The following PTPRT variants were observed in gnomAD, a reference collection of about 807,000 sequenced individuals.
The protein encoded by PTPRT is protein tyrosine phosphatase receptor type T, also known as receptor-type tyrosine-protein phosphatase T.
Under a neutral mutation model 176.8 loss-of-function variants are expected in PTPRT, and 56 were observed. That is an observed-to-expected ratio of 0.32 (90% CI 0.26 to 0.40). PTPRT has a LOEUF of 0.40. Among genes scored for constraint, PTPRT ranks in the 10% least tolerant of loss-of-function variants. The pLI, the probability that PTPRT is intolerant of heterozygous loss-of-function variation, is 1.00. For missense variants in PTPRT, 1,540 were observed against 1,908.2 expected (o/e 0.81, Z 3.60); for synonymous variants, 783 against 739.0 (o/e 1.06, Z -0.96).
chr20:42,935,729 G>A (rs1373500612), intron 1 of PTPRT, among the ~76,000 whole-genome samples: 2 of 152,198 alleles, frequency 1.3e-5, no homozygotes, highest in African/African-American at 4.8e-5. Flanking sequence ...GTCCAGTCCA[G>A]TCCAGTCCAG....
intron 6 of PTPRT, among the ~76,000 whole-genome samples, chr20:42,754,187 A>T (rs1236622413): frequency 2.7e-5 from 2 of 75,308 alleles, no homozygotes; most frequent in Non-Finnish European, 5.4e-5. Context: ...TAAATCTTCA[A>T]AAAAAATTTT....
intron 7 of PTPRT, among the ~76,000 whole-genome samples, chr20:42,667,662 T>C (rs2075339326): frequency 6.6e-6 from 1 of 152,214 alleles, no homozygotes; most frequent in African/African-American, 2.4e-5. Flanking sequence ...ACTTGTTGAC[T>C]TACTATTGTA....
chr20:42,710,840 T>G (rs951602839), intron 6 of PTPRT, among the ~76,000 whole-genome samples: 2 of 152,248 alleles, frequency 1.3e-5, no homozygotes, highest in African/African-American at 4.8e-5. Flanking sequence ...AGCAGCCACA[T>G]GGGCTGTGTC....
chr20:42,749,495 G>C (rs1423715920), intron 6 of PTPRT, among the ~76,000 whole-genome samples: 2 of 152,326 alleles, frequency 1.3e-5, no homozygotes, highest in South Asian at 2.1e-4. Context: ...TGGTATAAAA[G>C]AGACAGCATG....
intron 2 of PTPRT, among the ~76,000 whole-genome samples, chr20:42,833,064 T>C (rs1022738849): frequency 1.3e-5 from 2 of 151,858 alleles, no homozygotes; most frequent in African/African-American, 4.8e-5. Context: ...CACTCCAACC[T>C]GGACAACACA....
intron 6 of PTPRT, among the ~76,000 whole-genome samples, chr20:42,746,716 A>T (rs1310623956): frequency 6.6e-6 from 1 of 152,196 alleles, no homozygotes; most frequent in African/African-American, 2.4e-5. Flanking sequence ...ATTTTCCTAC[A>T]AAGAATGAAA....
At chr20:42,921,911 T>G (rs1219131103) in intron 1 of PTPRT, among the ~76,000 whole-genome samples, 2 of 152,132 alleles carry the variant, frequency 1.3e-5, no homozygotes, top group Non-Finnish European at 2.9e-5. Flanking sequence ...TTTCTCAGAT[T>G]CCACACAGCG....
At chr20:42,632,679 C>T (rs2145894927) in intron 7 of PTPRT, among the ~76,000 whole-genome samples, 1 of 149,294 alleles carries the variant, frequency 6.7e-6, no homozygotes, top group Non-Finnish European at 1.5e-5. Context: ...CTATATTTTA[C>T]TATATTTATT....
chr20:42,850,394 G>T (rs932478433), intron 2 of PTPRT, among the ~76,000 whole-genome samples: 1 of 152,178 alleles, frequency 6.6e-6, no homozygotes, highest in Non-Finnish European at 1.5e-5. Context: ...CGTCCGAACC[G>T]GAATAACTAA....
Position 42,585,373 on chromosome 20 carries a change from T to C in PTPRT, c.1153+92493A>G, listed in dbSNP as rs765835097. Among the ~76,000 whole-genome samples the C allele has an allele frequency of 1.1e-3, 172 of 152,228 alleles. 4 individuals carry two copies. The highest frequency in any genetic ancestry group is 1.0e-3 in the Admixed American group (16 of 15,276). ...TTTTTTCTTACTGACTTGAAATAACTCCATGCATATAGAATATTTTACTGT... is the reference window on the plus strand; with the variant it reads ...TTTTTTCTTACTGACTTGAAATAACCCCATGCATATAGAATATTTTACTGT... On this transcript the variant is annotated intron_variant, in intron 7 of 30. Transcript: ENST00000373187.
Position 42,920,943 on chromosome 20 carries a change from G to C in PTPRT, c.89-35011C>G, listed in dbSNP as rs79282031. ...TTCTTCATCCCCTTCATTAGTTTCAGACTCCACAGGAAATATGGAGGTTGG... is the reference window on the plus strand; with the variant it reads ...TTCTTCATCCCCTTCATTAGTTTCACACTCCACAGGAAATATGGAGGTTGG... On this transcript the variant is annotated intron_variant, in intron 1 of 30. Transcript: ENST00000373187. Among the ~76,000 whole-genome samples the C allele has an allele frequency of 8.3e-4, 127 of 152,258 alleles. 2 individuals carry two copies. The East Asian group carries it at 0.019, about 22-fold the overall frequency.
chr20:42,039,066 T>C, the PTPRT span, among the ~76,000 whole-genome samples: 1 of 152,150 alleles, frequency 6.6e-6, no homozygotes, highest in Non-Finnish European at 1.5e-5. Context: ...ATTGCAGAGA[T>C]TTGGTTTGTC....
chr20:42,432,681 T>A (rs933622455), intron 9 of PTPRT, among the ~76,000 whole-genome samples: 1 of 152,210 alleles, frequency 6.6e-6, no homozygotes, highest in Non-Finnish European at 1.5e-5. Context: ...CTACATAGCA[T>A]CTTTATCTTA....
At chr20:42,695,105 C>A (rs1463485956) in intron 6 of PTPRT, among the ~76,000 whole-genome samples, 2 of 152,124 alleles carry the variant, frequency 1.3e-5, no homozygotes, top group Non-Finnish European at 2.9e-5. Flanking sequence ...TTTAAGAATT[C>A]TTGATATATT....
At chr20:42,730,038 A>T (rs1403750263) in intron 6 of PTPRT, among the ~76,000 whole-genome samples, 2 of 152,202 alleles carry the variant, frequency 1.3e-5, no homozygotes, top group African/African-American at 2.4e-5. Context: ...GATTTGCCCT[A>T]ATTTTACAAA....
chr20:42,492,936 T>C (rs1487292928), intron 7 of PTPRT, among the ~76,000 whole-genome samples: 3 of 152,226 alleles, frequency 2.0e-5, no homozygotes, highest in East Asian at 3.8e-4. Context: ...AGTTTATTCA[T>C]TCTATTTCTC....
chr20:42,184,581 TC>T (rs1990677190), intron 16 of PTPRT, among the ~76,000 whole-genome samples: 1 of 141,888 alleles, frequency 7.0e-6, no homozygotes. Context: ...TTCTTCTTCT[TC>T]TTCTTCTTCT....
At chr20:42,176,255 G>C (rs998767465) in intron 16 of PTPRT, among the ~76,000 whole-genome samples, 4 of 152,114 alleles carry the variant, frequency 2.6e-5, no homozygotes, top group Non-Finnish European at 5.9e-5. Context: ...AGGTTCATCT[G>C]TCATGTCTTC....
At position 42,780,241 on chromosome 20, in the gene PTPRT, A is replaced by G. The variant is rs761982578; in HGVS notation, c.545T>C (p.Val182Ala). 2 of 1,613,972 alleles carry G rather than the reference A, an allele frequency of 1.2e-6. No homozygotes were observed. The highest frequency in any genetic ancestry group is 1.7e-5 in the Admixed American group (1 of 60,022). Residue 182 changes from valine to alanine, a missense_variant, in exon 4 of 31, where the codon GTC becomes GCC. Around this residue, in one of 11 missense-constraint regions of PTPRT, gnomAD observed 273 missense variants for 432.1 expected, o/e 0.63. Transcript: ENST00000373187. ...GHPGYIAVDE[V>A]RVLAHPCRKA... ...ACTGCATGGATGAGCAAGGACCCGG[A>G]CCTCGTCCACGGCGATGTAGCCAGG... is the stretch of plus-strand genomic sequence containing the variant.
Sources: gnomAD v4.1 joint callset for allele counts (sites outside exome capture counted in the v4.1 genomes callset) on GRCh38, gnomAD v4.1.1 for gene constraint, gnomAD v4.1.1 regional missense constraint, MANE v1.5 for transcripts, NCBI Gene and HGNC (gene_info 2026-07-23, HGNC 2026-07-21) for gene names.